The following FBXO11 variants were observed in gnomAD, a reference collection of about 807,000 sequenced individuals.
FBXO11 encodes F-box only protein 11.
FBXO11 carries 13 observed loss-of-function variants against 117.0 expected under a neutral mutation model. The ratio of observed to expected loss-of-function variants is 0.11; its 90% CI spans 0.07 to 0.18. The LOEUF (loss-of-function observed/expected upper bound fraction) is 0.18. FBXO11 is among the 10% of genes least tolerant of loss of function. FBXO11 has a pLI of 1.00. For missense variants in FBXO11, 767 were observed against 1,164.4 expected, an observed-to-expected ratio of 0.66 and a Z score of 4.97; for synonymous variants, 490 against 380.5, an observed-to-expected ratio of 1.29 and a Z score of -3.35.
At position 47,823,133 on chromosome 2, in the gene FBXO11, A is replaced by G. The variant is rs199914636; in HGVS notation, c.1616+10T>C. ...AAAAGTAATTTTCACCCATAATTAT[A>G]TGTAAATACCTTATTGTTGGGTCAC... On this transcript the variant is annotated intron_variant, in intron 12 of 22. Transcript: ENST00000403359. 7.5e-5 allele frequency: 119 copies of G among 1,577,654 alleles called. No homozygotes were observed. The East Asian group carries it at 2.6e-3, about 34-fold the overall frequency.
Position 47,818,944 on chromosome 2 carries a change from G to A in FBXO11, c.1920+12C>T. 1 of 1,612,128 alleles carries A rather than the reference G, an allele frequency of 6.2e-7. No homozygotes were observed. Among genetic ancestry groups the A allele is most frequent in the Non-Finnish European group, 8.5e-7 (1 of 1,179,572 alleles). On this transcript the variant is annotated intron_variant, in intron 15 of 22. Coordinates refer to ENST00000403359, the MANE Select transcript of FBXO11 (RefSeq NM_001190274.2). ...AATGTATTTCCCATCCAAGAGTCCAGGCTAATCCTACCTGCTTGCCACTGT... is the reference window on the plus strand; with the variant it reads ...AATGTATTTCCCATCCAAGAGTCCAAGCTAATCCTACCTGCTTGCCACTGT...
At chr2:47,859,334 G>C (rs1674574753) in intron 1 of FBXO11, among the ~76,000 whole-genome samples, 1 of 152,114 alleles carries the variant, frequency 6.6e-6, no homozygotes, top group Admixed American at 6.5e-5. Flanking sequence ...AGGATTTAGA[G>C]AACTTGTGCC....
At chr2:47,894,218 G>T (rs1677481215) in intron 1 of FBXO11, among the ~76,000 whole-genome samples, 1 of 151,666 alleles carries the variant, frequency 6.6e-6, no homozygotes, top group African/African-American at 2.4e-5. Flanking sequence ...TATACACCAG[G>T]AACGGAAAGG....
intron 8 of FBXO11, 35 bp downstream of exon 8, chr2:47,832,929 T>C (rs1214296418): frequency 1.2e-6 from 2 of 1,605,188 alleles, no homozygotes; most frequent in South Asian, 1.1e-5. Flanking sequence ...GCCTTTATGA[T>C]TTCAATGTGT....
chr2:47,836,492 C>T (rs1431689904), intron 4 of FBXO11, among the ~76,000 whole-genome samples: 1 of 152,090 alleles, frequency 6.6e-6, no homozygotes, highest in Admixed American at 6.6e-5. Context: ...CCTCAGCCTC[C>T]CAAGTAGCTG....
At chr2:47,808,879 T>TAG (rs1670414206) in intron 21 of FBXO11, 2 of 308,506 alleles carry the variant, frequency 6.5e-6, no homozygotes, top group African/African-American at 4.4e-5. Flanking sequence ...TTTTGTTTTG[T>TAG]AGAGACAGGG....
At chr2:47,880,127 C>G (rs1348267008) in intron 1 of FBXO11, among the ~76,000 whole-genome samples, 1 of 152,030 alleles carries the variant, frequency 6.6e-6, no homozygotes, top group African/African-American at 2.4e-5. Flanking sequence ...TCCCGAGTTG[C>G]TGGGACCACA....
intron 4 of FBXO11, among the ~76,000 whole-genome samples, chr2:47,836,789 C>T (rs528674448): frequency 6.6e-6 from 1 of 152,222 alleles, no homozygotes; most frequent in East Asian, 1.9e-4. Context: ...AATTTTCTTT[C>T]TTTTTCTTTT....
At chr2:47,839,336 TAC>T (rs1672842153) in intron 3 of FBXO11, 81 bp downstream of exon 3, 1 of 1,264,298 alleles carries the variant, frequency 7.9e-7, no homozygotes, top group Admixed American at 2.2e-5. Context: ...AATACTCGAA[TAC>T]ACTTAATTTT....
chr2:47,899,341 G>T (rs1677922815), intron 1 of FBXO11, among the ~76,000 whole-genome samples: 1 of 150,816 alleles, frequency 6.6e-6, no homozygotes, highest in South Asian at 2.1e-4. Context: ...GTTGTAACAA[G>T]TCATACAGAT....
At chr2:47,900,673 T>TACACACGTATACACACACGTACGTATAC (rs1678107618) in intron 1 of FBXO11, among the ~76,000 whole-genome samples, 4 of 35,788 alleles carry the variant, frequency 1.1e-4, no homozygotes. Flanking sequence ...CGTACGTATA[T>TACACACGTATACACACACGTACGTATAC]ACACACGTAT....
chr2:47,861,819 C>G (rs1257598585), intron 1 of FBXO11, among the ~76,000 whole-genome samples: 4 of 152,144 alleles, frequency 2.6e-5, no homozygotes, highest in African/African-American at 9.7e-5. Flanking sequence ...GGAGAACTAA[C>G]CTAAGGCCCA....
Position 47,808,037 on chromosome 2 carries a change from C to T in FBXO11, c.*81G>A. The T allele has an allele frequency of 1.6e-6, 2 of 1,284,314 alleles. No homozygotes were observed. The highest frequency in any genetic ancestry group is 2.2e-6 in the Non-Finnish European group (2 of 918,040). 79.6% of individuals were successfully genotyped at this position (1,284,314 alleles called of 1,614,324 possible). On this transcript the variant is annotated 3_prime_UTR_variant, in exon 23 of 23. Coordinates refer to ENST00000403359, the MANE Select transcript of FBXO11 (RefSeq NM_001190274.2). ...ATACAGTCTCTTCCTGTAGCATGGG[C>T]AAATATTTTAAATCTTCTTCCAAAA...
In FBXO11 at chr2:47,901,099, A is replaced by ATG. The variant is rs1678241586; in HGVS notation, c.232+4389_232+4390insCA. Among the ~76,000 whole-genome samples, 3 of 106,676 alleles carry ATG rather than the reference A, an allele frequency of 2.8e-5. No individual in the cohort carries two copies. In the South Asian group the frequency reaches 9.4e-4, roughly 33 times the overall value. 70.0% of individuals were successfully genotyped at this position (106,676 alleles called of 152,430 possible). On this transcript the variant is annotated intron_variant, in intron 1 of 22. Coordinates refer to ENST00000403359, the MANE Select transcript of FBXO11 (RefSeq NM_001190274.2). ...CACACGTGTGTACATATATATACAT[A>ATG]TATATGTATATATGTACACACGTGT...
At chr2:47,864,474 C>T (rs932012619) in intron 1 of FBXO11, among the ~76,000 whole-genome samples, 43 of 152,232 alleles carry the variant, frequency 2.8e-4, no homozygotes, top group African/African-American at 8.2e-4. Context: ...GTAATCTCAG[C>T]TACTCGGGAG....
At chr2:47,902,955 A>C (rs1042896282) in intron 1 of FBXO11, among the ~76,000 whole-genome samples, 1 of 151,922 alleles carries the variant, frequency 6.6e-6, no homozygotes, top group Non-Finnish European at 1.5e-5. Flanking sequence ...ATACATTCTT[A>C]GCTTTAGTTC....
intron 1 of FBXO11, among the ~76,000 whole-genome samples, chr2:47,897,346 C>A (rs763816095): frequency 2.0e-5 from 3 of 152,204 alleles, no homozygotes; most frequent in Non-Finnish European, 2.9e-5. Context: ...ACTACAGTAA[C>A]ACAGACACCA....
At chr2:47,837,143 GCTAA>G (rs1400920461) in intron 4 of FBXO11, 10 of 177,708 alleles carry the variant, frequency 5.6e-5, no homozygotes, top group Middle Eastern at 1.1e-3. Flanking sequence ...TGGAGTAATG[GCTAA>G]CTATTATCAT....
chr2:47,823,109 A>G, intron 12 of FBXO11, 34 bp downstream of exon 12: 2 of 1,501,930 alleles, frequency 1.3e-6, no homozygotes, highest in South Asian at 2.5e-5. Flanking sequence ...TTGAAGTGAA[A>G]AAGTAATTTT....
Sources: gnomAD v4.1 joint callset for allele counts (sites outside exome capture counted in the v4.1 genomes callset) on GRCh38, gnomAD v4.1.1 for gene constraint, MANE v1.5 for transcripts, NCBI Gene and HGNC (gene_info 2026-07-23, HGNC 2026-07-21) for gene names.